PPARGC1A: variants seen among roughly 807,000 people sequenced by gnomAD.
PPARGC1A encodes the protein peroxisome proliferator-activated receptor gamma coactivator 1-alpha.
PPARGC1A carries 25 observed loss-of-function variants against 88.7 expected under a neutral mutation model. The ratio of observed to expected loss-of-function variants is 0.28; its 90% CI spans 0.21 to 0.39. The LOEUF is 0.39. PPARGC1A is among the 10% of genes least tolerant of loss of function. The pLI, the probability that PPARGC1A is intolerant of heterozygous loss-of-function variation, is 1.00. For missense variants in PPARGC1A, 880 were observed against 968.7 expected (o/e 0.91, Z 1.22); for synonymous variants, 363 against 355.6 (o/e 1.02, Z -0.24).
the PPARGC1A span, among the ~76,000 whole-genome samples, chr4:24,265,369 C>A: frequency 6.6e-6 from 1 of 152,186 alleles, no homozygotes; most frequent in African/African-American, 2.4e-5. Flanking sequence ...TCGGCAACAT[C>A]TGAACACTTC....
At chr4:24,412,772 C>T in the PPARGC1A span, among the ~76,000 whole-genome samples, 3 of 152,188 alleles carry the variant, frequency 2.0e-5, no homozygotes, top group South Asian at 2.1e-4. Context: ...TGAGCCACCG[C>T]GCCCAGCTGG....
chr4:24,040,893 T>C, the PPARGC1A span, among the ~76,000 whole-genome samples: 3 of 152,218 alleles, frequency 2.0e-5, no homozygotes, highest in Admixed American at 2.0e-4. Flanking sequence ...GATTCTCTCA[T>C]GTTCACCGGG....
the PPARGC1A span, among the ~76,000 whole-genome samples, chr4:24,251,742 T>C: frequency 2.4e-3 from 360 of 152,062 alleles, 2 homozygotes; most frequent in African/African-American, 8.2e-3. Flanking sequence ...AACAGGAGAG[T>C]CATGATTCAA....
chr4:24,354,382 G>A, the PPARGC1A span, among the ~76,000 whole-genome samples: 7 of 152,168 alleles, frequency 4.6e-5, no homozygotes, highest in Non-Finnish European at 1.0e-4. Flanking sequence ...AGGAAGTAGG[G>A]TGTGGGCATT....
rs774803282 is a variant in PPARGC1A, at chr4:23,829,517, G to T, written c.498C>A (p.Thr166=). ...LSYNECSGLS[T]QNHANHNHRI... is the part of the protein sequence containing the mutation. The stretch of plus-strand genomic sequence containing the variant: ...TGTGATTGTGATTTGCATGGTTCTG[G>T]GTACTGAGACCACTGCATTCATTAT... The change falls in exon 4 of 13, where the codon ACC becomes ACA. Residue 166 remains threonine, a synonymous_variant. Coordinates refer to ENST00000264867, the MANE Select transcript of PPARGC1A (RefSeq NM_013261.5). 1.2e-6 allele frequency: 2 copies of T among 1,613,546 alleles called. No homozygotes were observed. The highest frequency in any genetic ancestry group is 1.1e-5 in the South Asian group (1 of 91,044).
the PPARGC1A span, among the ~76,000 whole-genome samples, chr4:24,161,545 A>C: frequency 3.3e-5 from 5 of 152,180 alleles, no homozygotes; most frequent in South Asian, 1.0e-3. Flanking sequence ...GATCTACCTC[A>C]TTCTTGGGGT....
the PPARGC1A span, among the ~76,000 whole-genome samples, chr4:24,064,997 C>A: frequency 6.6e-6 from 1 of 152,186 alleles, no homozygotes; most frequent in Non-Finnish European, 1.5e-5. Context: ...GCATTGAGCT[C>A]TCTAAAGAAT....
chr4:24,094,869 AT>A, the PPARGC1A span, among the ~76,000 whole-genome samples: 2 of 152,188 alleles, frequency 1.3e-5, no homozygotes, highest in Non-Finnish European at 2.9e-5. Context: ...AACTATAAAA[AT>A]AAACATCAAG....
chr4:24,242,043 A>G, the PPARGC1A span, among the ~76,000 whole-genome samples: 1 of 152,162 alleles, frequency 6.6e-6, no homozygotes, highest in Non-Finnish European at 1.5e-5. Context: ...ACTAGATTCT[A>G]TTGATTCTCT....
the PPARGC1A span, among the ~76,000 whole-genome samples, chr4:24,223,401 A>C: frequency 6.6e-6 from 1 of 151,884 alleles, no homozygotes; most frequent in Non-Finnish European, 1.5e-5. Flanking sequence ...AGGCATCCGC[A>C]ACCATACCTG....
At chr4:24,187,769 C>A in the PPARGC1A span, among the ~76,000 whole-genome samples, 1 of 152,200 alleles carries the variant, frequency 6.6e-6, no homozygotes, top group Non-Finnish European at 1.5e-5. Context: ...ATGTTCCCTT[C>A]ATGGTTCTCA....
At chr4:23,949,507 A>G in the PPARGC1A span, among the ~76,000 whole-genome samples, 1 of 152,202 alleles carries the variant, frequency 6.6e-6, no homozygotes, top group African/African-American at 2.4e-5. Flanking sequence ...AGGAACATTG[A>G]CCAGGACATC....
upstream of PPARGC1A, among the ~76,000 whole-genome samples, chr4:23,907,600 G>T (rs955816256): frequency 6.6e-6 from 1 of 152,046 alleles, no homozygotes; most frequent in East Asian, 1.9e-4. Context: ...TTTCCATCTC[G>T]AAAATGGGGA....
chr4:24,019,287 A>C, the PPARGC1A span, among the ~76,000 whole-genome samples: 2 of 152,216 alleles, frequency 1.3e-5, no homozygotes, highest in African/African-American at 4.8e-5. Flanking sequence ...AGAAATAATT[A>C]TATTTATTGA....
At chr4:24,010,178 T>G in the PPARGC1A span, among the ~76,000 whole-genome samples, 1 of 152,206 alleles carries the variant, frequency 6.6e-6, no homozygotes, top group African/African-American at 2.4e-5. Context: ...CTCTAATCTT[T>G]AGTTTCCTCA....
At chr4:24,182,136 C>T in the PPARGC1A span, among the ~76,000 whole-genome samples, 4 of 152,114 alleles carry the variant, frequency 2.6e-5, no homozygotes, top group African/African-American at 4.8e-5. Context: ...TGTCCTAATG[C>T]TATCCCTCTT....
chr4:24,384,668 G>T, the PPARGC1A span, among the ~76,000 whole-genome samples: 14 of 151,954 alleles, frequency 9.2e-5, no homozygotes, highest in African/African-American at 2.2e-4. Context: ...AATGGTAAAG[G>T]GATCAATGCA....
chr4:23,889,750 G>A (rs1211593312), intron 1 of PPARGC1A, among the ~76,000 whole-genome samples, 154 bp downstream of exon 1: 2 of 152,154 alleles, frequency 1.3e-5, no homozygotes, highest in Non-Finnish European at 2.9e-5. Context: ...AAACTTATTG[G>A]AGTTAAGATA....
the PPARGC1A span, among the ~76,000 whole-genome samples, chr4:23,974,719 G>T: frequency 6.8e-6 from 1 of 147,970 alleles, no homozygotes; most frequent in Non-Finnish European, 1.5e-5. Context: ...TGCAAGTTCC[G>T]CCCCCCGGGT....
Sources: allele counts gnomAD v4.1 joint callset (sites outside exome capture counted in the v4.1 genomes callset), GRCh38; gene constraint gnomAD v4.1.1; transcripts MANE v1.5; gene names NCBI Gene and HGNC (gene_info 2026-07-23, HGNC 2026-07-21).